ROBO2: variants seen among roughly 807,000 people sequenced by gnomAD.
ROBO2 encodes the protein roundabout guidance receptor 2.
A neutral mutation model predicts 160.8 loss-of-function variants in ROBO2; 53 were observed. The observed-to-expected ratio is 0.33, with a 90% CI of 0.26 to 0.41. ROBO2 has a LOEUF of 0.41. Ranked by LOEUF, ROBO2 falls within the 10% of genes least tolerant of loss-of-function variation. The probability of loss-of-function intolerance (pLI) is 1.00; values close to 1 mark genes in which losing one functional copy is unlikely to be tolerated. For missense variants in ROBO2, 1,577 were observed against 1,722.4 expected (o/e 0.92, Z 1.49); for synonymous variants, 664 against 611.7 (o/e 1.09, Z -1.26).
chr3:76,819,042 C>T (rs868703861), intron 2 of ROBO2, among the ~76,000 whole-genome samples: 1 of 152,040 alleles, frequency 6.6e-6, no homozygotes, highest in Non-Finnish European at 1.5e-5. Context: ...TTTCATTGAT[C>T]TTAGGTATCC....
At chr3:76,979,108 A>AT (rs1184738595) in intron 2 of ROBO2, among the ~76,000 whole-genome samples, 2 of 151,740 alleles carry the variant, frequency 1.3e-5, no homozygotes, top group African/African-American at 4.8e-5. Context: ...ACACCTGGAT[A>AT]TTTTTTGTGT....
intron 2 of ROBO2, among the ~76,000 whole-genome samples, chr3:76,636,550 G>C (rs1006309472): frequency 6.6e-6 from 1 of 152,118 alleles, no homozygotes; most frequent in African/African-American, 2.4e-5. Flanking sequence ...CCCCAGTCCT[G>C]ACTCCCAGCA....
intron 2 of ROBO2, among the ~76,000 whole-genome samples, chr3:77,224,099 A>G (rs2086171462): frequency 6.6e-6 from 1 of 152,018 alleles, no homozygotes; most frequent in African/African-American, 2.4e-5. Context: ...CTTCTAACCA[A>G]TGATCATGAA....
intron 2 of ROBO2, among the ~76,000 whole-genome samples, chr3:76,645,514 T>G (rs905019049): frequency 1.3e-5 from 2 of 152,238 alleles, no homozygotes; most frequent in African/African-American, 4.8e-5. Flanking sequence ...CTTTCAGAAT[T>G]TTTCCAGTCT....
chr3:77,380,993 A>G (rs1423641107), intron 2 of ROBO2, among the ~76,000 whole-genome samples: 1 of 151,918 alleles, frequency 6.6e-6, no homozygotes, highest in East Asian at 1.9e-4. Context: ...ATCACCATTC[A>G]TTTCTAAAGC....
chr3:76,885,741 C>G (rs138723818), intron 2 of ROBO2, among the ~76,000 whole-genome samples: 4 of 152,162 alleles, frequency 2.6e-5, no homozygotes, highest in African/African-American at 7.2e-5. Flanking sequence ...AAGAATCTCT[C>G]TCTGGGGCCC....
chr3:76,157,986 T>C lies in ROBO2; in HGVS notation c.109+220384T>C, dbSNP rs533154537. Among the ~76,000 whole-genome samples the C allele has an allele frequency of 2.6e-5, 4 of 152,256 alleles. No individual in the cohort carries two copies. The East Asian group carries it at 7.7e-4, about 29-fold the overall frequency. ...CTCCAGATCAGAAAATGCCTTTAATTTGTATATATTAGTAATCTCTCTAAG... is the reference window on the plus strand; with the variant it reads ...CTCCAGATCAGAAAATGCCTTTAATCTGTATATATTAGTAATCTCTCTAAG... On this transcript the variant is annotated intron_variant, in intron 2 of 26. Transcript: ENST00000487694.
intron 5 of ROBO2, among the ~76,000 whole-genome samples, chr3:77,521,775 T>G (rs891730181): frequency 2.0e-5 from 3 of 151,322 alleles, no homozygotes; most frequent in African/African-American, 7.3e-5. Flanking sequence ...AATCTAGAAG[T>G]AGAAGACATC....
At chr3:76,749,404 A>AT (rs1186854513) in intron 2 of ROBO2, among the ~76,000 whole-genome samples, 1 of 152,102 alleles carries the variant, frequency 6.6e-6, no homozygotes, top group African/African-American at 2.4e-5. Context: ...ACATGAAATT[A>AT]TTTTTTATTG....
At chr3:76,213,986 A>T (rs1381357757) in intron 2 of ROBO2, among the ~76,000 whole-genome samples, 1 of 152,180 alleles carries the variant, frequency 6.6e-6, no homozygotes, top group Non-Finnish European at 1.5e-5. Context: ...TCGGTCTGCT[A>T]ATCGAAATGT....
intron 2 of ROBO2, among the ~76,000 whole-genome samples, chr3:77,468,947 T>C (rs1044460286): frequency 6.6e-6 from 1 of 151,532 alleles, no homozygotes; most frequent in Non-Finnish European, 1.5e-5. Context: ...CCCATTCCCC[T>C]TCTGTGCAGA....
chr3:77,352,575 AT>A (rs71682024), intron 2 of ROBO2, among the ~76,000 whole-genome samples: 52,073 of 151,268 alleles, frequency 0.34, 9,325 homozygotes, highest in Non-Finnish European at 0.38. Context: ...TTAGAACATG[AT>A]TTTTTTTTTC....
rs201895620 is a variant in ROBO2 at position 77,522,944 on chromosome 3, T to C, written c.934+42T>C. 9 of 1,604,078 alleles carry C rather than the reference T, an allele frequency of 5.6e-6. No homozygotes were observed. In the African/African-American group the frequency reaches 1.2e-4, roughly 22 times the overall value. On this transcript the variant is annotated intron_variant, in intron 6 of 25. Coordinates refer to ENST00000461745, the Ensembl canonical transcript of ROBO2. Reference sequence around the variant, plus strand: ...GTCAAAGATAATTGAACCAGGAGACTAATATTTGGTTAAATTGGTAAGTGA... The same window carrying C: ...GTCAAAGATAATTGAACCAGGAGACCAATATTTGGTTAAATTGGTAAGTGA...
intron 2 of ROBO2, among the ~76,000 whole-genome samples, chr3:77,276,669 T>A (rs1480404663): frequency 6.6e-6 from 1 of 152,148 alleles, no homozygotes; most frequent in Non-Finnish European, 1.5e-5. Flanking sequence ...GGGGGATCAC[T>A]TGGGCTCAGG....
intron 2 of ROBO2, among the ~76,000 whole-genome samples, chr3:76,813,920 T>C (rs2065426158): frequency 6.6e-6 from 1 of 152,138 alleles, no homozygotes; most frequent in Non-Finnish European, 1.5e-5. Flanking sequence ...TTTAATATAA[T>C]AATATAGCAA....
intron 2 of ROBO2, among the ~76,000 whole-genome samples, chr3:76,160,819 A>G (rs2072600524): frequency 6.6e-6 from 1 of 152,200 alleles, no homozygotes; most frequent in African/African-American, 2.4e-5. Context: ...TTTTGTAGCA[A>G]AAAAACCCAT....
intron 2 of ROBO2, among the ~76,000 whole-genome samples, chr3:77,186,130 A>T (rs963415577): frequency 1.3e-5 from 2 of 151,950 alleles, no homozygotes; most frequent in Non-Finnish European, 2.9e-5. Flanking sequence ...ACCGTGAAAT[A>T]ACTTGCTCAT....
intron 2 of ROBO2, among the ~76,000 whole-genome samples, chr3:77,437,185 C>T (rs2079381058): frequency 6.6e-6 from 1 of 151,942 alleles, no homozygotes; most frequent in South Asian, 2.1e-4. Flanking sequence ...AGCATAAAGC[C>T]AGTTCACCAT....
chr3:77,622,959 A>C (rs1383773922), intron 23 of ROBO2, among the ~76,000 whole-genome samples: 4 of 152,136 alleles, frequency 2.6e-5, no homozygotes, highest in Admixed American at 2.6e-4. Context: ...ACATTGCTGC[A>C]TCTAGTAAAT....
Sources: allele counts gnomAD v4.1 joint callset (sites outside exome capture counted in the v4.1 genomes callset), GRCh38; gene constraint gnomAD v4.1.1; transcripts MANE v1.5; gene names NCBI Gene and HGNC (gene_info 2026-07-23, HGNC 2026-07-21).